The following AHSA1 variants were observed in gnomAD, a reference collection of about 807,000 sequenced individuals.
The protein encoded by AHSA1 is activator of 90 kDa heat shock protein ATPase homolog 1.
In AHSA1, 14 loss-of-function variants were observed where a neutral mutation model predicts 46.1. The observed-to-expected ratio is 0.30, with a 90% CI of 0.20 to 0.47. AHSA1 has a LOEUF of 0.47. AHSA1 is among the 20% of genes least tolerant of loss of function. The pLI, the probability that AHSA1 is intolerant of heterozygous loss-of-function variation, is 0.99. For synonymous variants in AHSA1, 147 were observed against 145.8 expected, an observed-to-expected ratio of 1.01 and a Z score of -0.06; for missense variants, 333 against 415.9, an observed-to-expected ratio of 0.80 and a Z score of 1.73.
chr14:77,469,099 G>C lies in AHSA1; in HGVS notation c.867G>C (p.Leu289Phe). Reference protein sequence around the residue: ...WPEGHFATITLTFIDKNGETE... With the variant: ...WPEGHFATITFTFIDKNGETE... Reference sequence around the variant, plus strand: ...CAGGACACTTTGCCACCATCACCTTGACCTTCATCGACAAGAACGGAGAGA... The same window carrying C: ...CAGGACACTTTGCCACCATCACCTTCACCTTCATCGACAAGAACGGAGAGA... Residue 289 changes from leucine to phenylalanine, a missense_variant, in exon 9 of 9, where the codon TTG becomes TTC. Coordinates refer to ENST00000216479, the MANE Select transcript of AHSA1 (RefSeq NM_012111.3). 1 of 1,614,128 alleles carries C rather than the reference G, an allele frequency of 6.2e-7. No homozygotes were observed. The highest frequency in any genetic ancestry group is 8.5e-7 in the Non-Finnish European group (1 of 1,180,026).
chr14:77,462,399 A>G (rs904656969), intron 3 of AHSA1, 157 bp downstream of exon 3: 2 of 770,822 alleles, frequency 2.6e-6, no homozygotes, highest in Admixed American at 5.5e-5. Context: ...GCCATTGGAA[A>G]CTTCTAGAGC....
At chr14:77,458,810 C>G (rs943942635) in intron 1 of AHSA1, among the ~76,000 whole-genome samples, 19 of 152,226 alleles carry the variant, frequency 1.2e-4, no homozygotes, top group Non-Finnish European at 2.6e-4. Context: ...TGTGTTGGAA[C>G]TCCAGGTTGC....
chr14:77,460,010 C>A, intron 2 of AHSA1: 1 of 605,694 alleles, frequency 1.7e-6, no homozygotes, highest in Non-Finnish European at 2.9e-6. Flanking sequence ...GTCTGGGTCT[C>A]ATAAGTCCCA....
chr14:77,468,207 C>G, intron 7 of AHSA1, 23 bp downstream of exon 7: 1 of 1,477,134 alleles, frequency 6.8e-7, no homozygotes, highest in East Asian at 2.4e-5. Context: ...CGGCCCTAGA[C>G]TCAGGTTATT....
Position 77,458,161 on chromosome 14 carries a change from G to T in AHSA1, c.-29G>T. On this transcript the variant is annotated 5_prime_UTR_variant, in exon 1 of 9. Coordinates refer to ENST00000216479, the MANE Select transcript of AHSA1 (RefSeq NM_012111.3). ...TGAGGCTGTGGCTACGGCTGCTCCG[G>T]AGCTGGTGGCGCCGCGATAGGAGAG... 1 of 1,513,078 alleles carries T rather than the reference G, an allele frequency of 6.6e-7. No individual in the cohort carries two copies. Among genetic ancestry groups the T allele is most frequent in the South Asian group, 1.2e-5 (1 of 80,648 alleles). 93.7% of individuals were successfully genotyped at this position (1,513,078 alleles called of 1,614,324 possible). A position where few individuals can be genotyped will look rare whatever the true frequency, so the allele number is the denominator to read the frequency against.
chr14:77,462,847 C>G, intron 4 of AHSA1, 88 bp downstream of exon 4: 1 of 1,115,830 alleles, frequency 9.0e-7, no homozygotes, highest in Non-Finnish European at 1.4e-6. Context: ...CTTTCTTTGG[C>G]AAATGGGTAA....
chr14:77,463,442 C>T (rs907838843), intron 4 of AHSA1, among the ~76,000 whole-genome samples: 8 of 151,406 alleles, frequency 5.3e-5, no homozygotes, highest in African/African-American at 1.7e-4. Context: ...CAAAATTAGC[C>T]GGGCATGGTG....
At chr14:77,457,936 A>C, upstream of AHSA1, 1 of 507,826 alleles carries the variant, frequency 2.0e-6, no homozygotes, top group Non-Finnish European at 3.4e-6. Flanking sequence ...CTTTTTGGGG[A>C]GAACCCGATG....
intron 2 of AHSA1, chr14:77,460,213 A>C (rs1214348736): frequency 1.4e-5 from 3 of 215,128 alleles, no homozygotes; most frequent in Middle Eastern, 1.9e-3. Flanking sequence ...TGCGCTAATG[A>C]AGCTTGTGTG....
At chr14:77,462,502 T>G in intron 3 of AHSA1, 140 bp from the exon 4 acceptor site, 2 of 838,270 alleles carry the variant, frequency 2.4e-6, no homozygotes, top group Non-Finnish European at 4.0e-6. Flanking sequence ...GAAGGAACAC[T>G]AATGGGGATT....
rs948281510 is a variant in AHSA1 at position 77,469,364 on chromosome 14, CTCCCT to C, written c.*119_*123del. ...AGCTGCTAACTTGGGGCCGGGGCCC[CTCCCT>C]TCCACATATACCTTGGGTTTGTGCA... On this transcript the variant is annotated 3_prime_UTR_variant, in exon 9 of 9. Transcript: ENST00000216479. 25 of 1,308,588 alleles carry C rather than the reference CTCCCT, an allele frequency of 1.9e-5. No individual in the cohort carries two copies. In the African/African-American group the frequency reaches 2.3e-4, roughly 12 times the overall value. The allele number at this position is 1,308,588 out of a possible 1,614,324, so 81.1% of individuals were successfully genotyped here.
At position 77,469,428 on chromosome 14, in the gene AHSA1, C is replaced by A; in HGVS notation, c.*179C>A. On this transcript the variant is annotated 3_prime_UTR_variant, in exon 9 of 9. Transcript: ENST00000216479. The stretch of plus-strand genomic sequence containing the variant: ...GCTGGGTGGGTTCAGAGGGCAATTT[C>A]TCTTTTATGTGTACATATGCTAAAT... The A allele has an allele frequency of 1.6e-6, 1 of 618,174 alleles. No homozygotes were observed. The highest frequency in any genetic ancestry group is 2.8e-6 in the Non-Finnish European group (1 of 361,536). The allele number at this position is 618,174 out of a possible 1,614,324, so 38.3% of individuals were successfully genotyped here.
At chr14:77,458,414 C>T (rs892383156) in intron 1 of AHSA1, 145 bp downstream of exon 1, 3 of 776,000 alleles carry the variant, frequency 3.9e-6, no homozygotes, top group Non-Finnish European at 6.0e-6. Flanking sequence ...GGCAGGGGTC[C>T]GTAGCCCCAG....
chr14:77,465,657 C>T lies in AHSA1; in HGVS notation c.680C>T (p.Thr227Ile). ...TSPEELYRVF[T>I]TQELVQAFTH... is the part of the protein sequence containing the mutation. The stretch of plus-strand genomic sequence containing the variant: ...CCAGAGGAGCTCTATAGAGTGTTTA[C>T]CACCCAAGAGGTAAGTAAGTCTTGT... The change falls in exon 6 of 9, where the codon ACC becomes ATC. Residue 227 changes from threonine (T) to isoleucine (I), a missense_variant. Coordinates refer to ENST00000216479, the MANE Select transcript of AHSA1 (RefSeq NM_012111.3). The T allele has an allele frequency of 6.2e-7, 1 of 1,613,492 alleles. No homozygotes were observed. Among genetic ancestry groups the T allele is most frequent in the Non-Finnish European group, 8.5e-7 (1 of 1,179,510 alleles).
intron 4 of AHSA1, 32 bp from the exon 5 acceptor site, chr14:77,464,566 A>G: frequency 1.3e-6 from 2 of 1,582,802 alleles, no homozygotes; most frequent in East Asian, 2.2e-5. Context: ...ACTAAGAAGT[A>G]ACTTCCATGA....
chr14:77,459,089 GTTGT>G (rs924881357), intron 1 of AHSA1, among the ~76,000 whole-genome samples: 2 of 152,046 alleles, frequency 1.3e-5, no homozygotes, highest in African/African-American at 4.8e-5. Context: ...CCTAATTTTT[GTTGT>G]TTGTTTTGAA....
intron 8 of AHSA1, chr14:77,468,720 GCTTT>G: frequency 2.4e-5 from 7 of 295,036 alleles, no homozygotes; most frequent in South Asian, 7.8e-5. Context: ...CACCATGCCA[GCTTT>G]TTTTTTTTTT....
chr14:77,460,265 T>C (rs1350671900), intron 2 of AHSA1: 1 of 202,370 alleles, frequency 4.9e-6, no homozygotes, highest in Non-Finnish European at 1.0e-5. Flanking sequence ...TCTAGTTTTA[T>C]GTCCCTTGTG....
intron 2 of AHSA1, among the ~76,000 whole-genome samples, 155 bp from the exon 3 acceptor site, chr14:77,462,005 C>T (rs1012831886): frequency 2.6e-5 from 4 of 151,996 alleles, no homozygotes; most frequent in Non-Finnish European, 4.4e-5. Flanking sequence ...TTTGGGGGTG[C>T]GGGTGTTGAT....
Sources: allele counts gnomAD v4.1 joint callset (sites outside exome capture counted in the v4.1 genomes callset), GRCh38; gene constraint gnomAD v4.1.1; transcripts MANE v1.5; gene names NCBI Gene and HGNC (gene_info 2026-07-23, HGNC 2026-07-21).